Variants in STXBP4 observed in about 807,000 individuals in gnomAD.
STXBP4 encodes syntaxin-binding protein 4.
Under a neutral mutation model 76.1 loss-of-function variants are expected in STXBP4, and 55 were observed. The ratio of observed to expected loss-of-function variants is 0.72; its 90% confidence interval spans 0.58 to 0.91. The LOEUF (loss-of-function observed/expected upper bound fraction) is 0.91, where lower values mean the gene tolerates loss of function less well. Among genes scored for constraint, STXBP4 ranks in the 40% least tolerant of loss-of-function variants. STXBP4 has a pLI of 0.00. For synonymous variants in STXBP4, 201 were observed against 220.2 expected (o/e 0.91, Z 0.77); for missense variants, 618 against 636.9 (o/e 0.97, Z 0.32).
At chr17:55,097,431 A>G (rs2079502136) in intron 16 of STXBP4, among the ~76,000 whole-genome samples, 1 of 152,168 alleles carries the variant, frequency 6.6e-6, no homozygotes, top group African/African-American at 2.4e-5. Flanking sequence ...TGGGGGGCCA[A>G]GGCGGGCGGA....
At chr17:55,146,676 C>T (rs561815222) in intron 17 of STXBP4, among the ~76,000 whole-genome samples, 76 of 151,856 alleles carry the variant, frequency 5.0e-4, no homozygotes, top group African/African-American at 1.7e-3. Context: ...AAGATCACAC[C>T]ATTGCACTCC....
chr17:55,034,282 G>T, intron 10 of STXBP4, 23 bp downstream of exon 10: 2 of 1,544,670 alleles, frequency 1.3e-6, no homozygotes, highest in Non-Finnish European at 8.8e-7. Context: ...CTATAGAATT[G>T]CTTTGACATG....
intron 12 of STXBP4, 119 bp downstream of exon 12, chr17:55,047,273 C>T (rs897527065): frequency 4.7e-5 from 26 of 553,050 alleles, no homozygotes; most frequent in Non-Finnish European, 6.9e-5. Context: ...CCAGAGCTTC[C>T]TGATACATAT....
intron 16 of STXBP4, among the ~76,000 whole-genome samples, chr17:55,085,840 A>G (rs1407755431): frequency 1.3e-5 from 2 of 152,144 alleles, no homozygotes; most frequent in Admixed American, 1.3e-4. Context: ...AAATTTGTAT[A>G]ACCTAATACA....
At chr17:55,037,988 A>G (rs1266284038) in intron 10 of STXBP4, among the ~76,000 whole-genome samples, 1 of 152,102 alleles carries the variant, frequency 6.6e-6, no homozygotes, top group Non-Finnish European at 1.5e-5. Context: ...AAGTATGCCA[A>G]TCAGTCTGTA....
At chr17:55,153,102 T>A (rs917058994) in intron 17 of STXBP4, among the ~76,000 whole-genome samples, 1 of 152,204 alleles carries the variant, frequency 6.6e-6, no homozygotes, top group African/African-American at 2.4e-5. Context: ...ATAAGTTATT[T>A]CACCTTTCTT....
At chr17:55,071,835 T>C (rs562629717) in intron 12 of STXBP4, among the ~76,000 whole-genome samples, 32 of 152,264 alleles carry the variant, frequency 2.1e-4, no homozygotes, top group Middle Eastern at 6.8e-3. Flanking sequence ...AAAATAGCCA[T>C]AGTTTAATAT....
At chr17:55,001,025 T>C in intron 7 of STXBP4, 142 bp downstream of exon 7, 1 of 578,750 alleles carries the variant, frequency 1.7e-6, no homozygotes, top group Non-Finnish European at 3.0e-6. Context: ...AAATAATGTC[T>C]TTCCGTTGGG....
Position 55,097,003 on chromosome 17 carries a change from T to G in STXBP4, c.1489+15820T>G, listed in dbSNP as rs1260192973. 2.0e-5 allele frequency among the ~76,000 whole-genome samples: 3 copies of G among 152,316 alleles called. No homozygotes were observed. The East Asian group carries it at 5.8e-4, about 29-fold the overall frequency. ...TCATAATAAATAAATAATAAATCTT[T>G]GTTGAATGAAAAAAAATGAAGATGT... On this transcript the variant is annotated intron_variant, in intron 16 of 17. Transcript: ENST00000376352.
intron 16 of STXBP4, among the ~76,000 whole-genome samples, chr17:55,133,929 A>G (rs980891654): frequency 3.3e-5 from 5 of 152,202 alleles, no homozygotes; most frequent in Non-Finnish European, 7.3e-5. Flanking sequence ...AGGTTTAGTT[A>G]TAAAGTAGAG....
chr17:54,985,057 G>T (rs1298328497), intron 1 of STXBP4, among the ~76,000 whole-genome samples: 1 of 152,118 alleles, frequency 6.6e-6, no homozygotes, highest in Non-Finnish European at 1.5e-5. Context: ...CCAAGGTCAA[G>T]ATGCCATTTT....
At chr17:55,031,410 A>G (rs539451260) in intron 9 of STXBP4, 146 bp downstream of exon 9, 12 of 618,732 alleles carry the variant, frequency 1.9e-5, no homozygotes, top group African/African-American at 1.3e-4. Context: ...ATCAGTACCC[A>G]AAGAACTCAG....
intron 17 of STXBP4, among the ~76,000 whole-genome samples, chr17:55,159,115 C>T (rs962089630): frequency 1.3e-5 from 2 of 152,046 alleles, no homozygotes; most frequent in African/African-American, 2.4e-5. Context: ...TGTGGTGGTG[C>T]GCACCTTTAG....
chr17:55,192,610 T>C, the STXBP4 span, among the ~76,000 whole-genome samples: 1 of 152,194 alleles, frequency 6.6e-6, no homozygotes, highest in Non-Finnish European at 1.5e-5. Context: ...AATCACTCTT[T>C]CCAAGATGTA....
At chr17:55,091,102 T>G (rs1473705028) in intron 16 of STXBP4, among the ~76,000 whole-genome samples, 1 of 152,168 alleles carries the variant, frequency 6.6e-6, no homozygotes, top group African/African-American at 2.4e-5. Context: ...CTTTATTTTC[T>G]TAAATTGCTC....
chr17:55,157,844 G>A (rs2080298294), intron 17 of STXBP4, among the ~76,000 whole-genome samples: 2 of 152,252 alleles, frequency 1.3e-5, no homozygotes, highest in East Asian at 3.9e-4. Context: ...AGCCAATAAA[G>A]TGAATGCATT....
intron 12 of STXBP4, among the ~76,000 whole-genome samples, chr17:55,049,460 A>G (rs1295095866): frequency 6.6e-6 from 1 of 151,998 alleles, no homozygotes; most frequent in East Asian, 1.9e-4. Context: ...AGAGGAAAAC[A>G]GAATACATCA....
intron 4 of STXBP4, among the ~76,000 whole-genome samples, chr17:54,997,576 A>AT (rs2077828680): frequency 6.9e-6 from 1 of 145,652 alleles, no homozygotes; most frequent in African/African-American, 2.5e-5. Context: ...TATATAATAT[A>AT]AATATATATA....
intron 12 of STXBP4, among the ~76,000 whole-genome samples, chr17:55,056,290 A>T (rs1189659491): frequency 6.6e-6 from 1 of 152,092 alleles, no homozygotes; most frequent in Non-Finnish European, 1.5e-5. Context: ...TTTATACTGT[A>T]TCTTTGAAAT....
Sources: allele counts gnomAD v4.1 joint callset (sites outside exome capture counted in the v4.1 genomes callset), GRCh38; gene constraint gnomAD v4.1.1; transcripts MANE v1.5; gene names NCBI Gene and HGNC (gene_info 2026-07-23, HGNC 2026-07-21).